ACOT7: variants seen among roughly 807,000 people sequenced by gnomAD.
ACOT7 encodes acyl-CoA thioesterase 7.
A neutral mutation model predicts 40.2 loss-of-function variants in ACOT7; 12 were observed. That is an observed-to-expected ratio of 0.30 (90% CI 0.19 to 0.48). The LOEUF (loss-of-function observed/expected upper bound fraction) is 0.48, where lower values mean the gene tolerates loss of function less well. ACOT7 is among the 20% of genes least tolerant of loss of function. ACOT7 has a pLI of 0.99. For missense variants in ACOT7, 395 were observed against 530.8 expected (o/e 0.74, Z 2.51); for synonymous variants, 228 against 219.5 (o/e 1.04, Z -0.34).
chr1:6,354,162 G>C (rs139028727), intron 1 of ACOT7, among the ~76,000 whole-genome samples: 1 of 151,902 alleles, frequency 6.6e-6, no homozygotes, highest in Admixed American at 6.6e-5. Flanking sequence ...CCCCACTCCC[G>C]GCCGGTGTCC....
rs967571559 is a variant in ACOT7, at chr1:6,359,885, G to A, written c.144-10019C>T. Among the ~76,000 whole-genome samples, 1 of 152,202 alleles carries A rather than the reference G, an allele frequency of 6.6e-6. No individual in the cohort carries two copies. Among genetic ancestry groups the A allele is most frequent in the Non-Finnish European group, 1.5e-5 (1 of 68,040 alleles). Reference sequence around the variant, plus strand: ...GTTTCACATGTTTAGTTGTGAAAGAGAAAGTTAGGGCAGAGAGGGCTGATT... The same window carrying A: ...GTTTCACATGTTTAGTTGTGAAAGAAAAAGTTAGGGCAGAGAGGGCTGATT... On this transcript the variant is annotated intron_variant, in intron 1 of 8. Transcript: ENST00000361521. This position sits in a 1 kb window ranked among gnomAD's most constrained non-coding sequence, Gnocchi z 4.1.
Position 6,338,674 on chromosome 1 carries a change from G to A in ACOT7, c.418+759C>T, listed in dbSNP as rs930651578. On this transcript the variant is annotated intron_variant, in intron 3 of 8. Coordinates refer to ENST00000361521, the MANE Select transcript of ACOT7 (RefSeq NM_007274.4). This position sits in a 1 kb window ranked among gnomAD's most constrained non-coding sequence, Gnocchi z 4.4. Reference sequence around the variant, plus strand: ...AAATGGCTGTGAGCTGGCACTCCACGGGGCAGCCACTGCTGAGGAACAGGC... The same window carrying A: ...AAATGGCTGTGAGCTGGCACTCCACAGGGCAGCCACTGCTGAGGAACAGGC... Among the ~76,000 whole-genome samples, 4 of 152,130 alleles carry A rather than the reference G, an allele frequency of 2.6e-5. No individual in the cohort carries two copies. Among genetic ancestry groups the A allele is most frequent in the African/African-American group, 9.7e-5 (4 of 41,422 alleles).
At chr1:6,351,931 G>A (rs1171814379) in intron 1 of ACOT7, among the ~76,000 whole-genome samples, 1 of 152,232 alleles carries the variant, frequency 6.6e-6, no homozygotes, top group East Asian at 1.9e-4. Context: ...CCCCGAGGAA[G>A]AGCCTGGAGC....
At position 6,264,642 on chromosome 1, in the gene ACOT7, C is replaced by T; in HGVS notation, c.1068G>A (p.Leu356=). The T allele has an allele frequency of 6.2e-7, 1 of 1,613,480 alleles. No individual in the cohort carries two copies. The highest frequency in any genetic ancestry group is 8.5e-7 in the Non-Finnish European group (1 of 1,179,958). Residue 356 remains leucine (L), a synonymous_variant, in exon 9 of 9, where the codon CTG becomes CTA. Coordinates refer to ENST00000361521, the MANE Select transcript of ACOT7 (RefSeq NM_007274.4). ...KRFEEGKGRY[L]QMKAKRQGHA... is the part of the protein sequence containing the mutation. Reference sequence around the variant, plus strand: ...GGCCCTGTCGCTTCGCCTTCATCTGCAGGTACCGCCCTTTGCCTTCCTCAA... The same window carrying T: ...GGCCCTGTCGCTTCGCCTTCATCTGTAGGTACCGCCCTTTGCCTTCCTCAA...
intron 1 of ACOT7, among the ~76,000 whole-genome samples, chr1:6,357,525 G>C (rs1023540855): frequency 1.3e-5 from 2 of 152,244 alleles, no homozygotes; most frequent in Non-Finnish European, 2.9e-5. Context: ...GTGGGACAGA[G>C]GTGTCTGGGC....
chr1:6,265,752 T>C (rs1250708986), intron 8 of ACOT7, among the ~76,000 whole-genome samples: 7 of 152,212 alleles, frequency 4.6e-5, no homozygotes, highest in Admixed American at 1.3e-4. Context: ...TGCTAATTCC[T>C]CTGGGACATT....
At chr1:6,312,998 G>T (rs1475776188) in intron 6 of ACOT7, among the ~76,000 whole-genome samples, 1 of 152,208 alleles carries the variant, frequency 6.6e-6, no homozygotes, top group African/African-American at 2.4e-5. Context: ...CAGACCAGTA[G>T]CCTCAGCATC....
Position 6,301,219 on chromosome 1 carries a change from T to C in ACOT7, c.713-6239A>G, listed in dbSNP as rs1289447585. On this transcript the variant is annotated intron_variant, in intron 6 of 8. Transcript: ENST00000361521. The surrounding 1 kb of genome is among the most constrained non-coding windows in gnomAD (Gnocchi z 4.1). The stretch of plus-strand genomic sequence containing the variant: ...TAATGTTCAGAACTTAGGAAGTGCC[T>C]ACAATTAACCCCTTGTTCTTCCATC... 4.6e-5 allele frequency among the ~76,000 whole-genome samples: 7 copies of C among 152,198 alleles called. No individual in the cohort carries two copies. The highest frequency in any genetic ancestry group is 1.5e-5 in the Non-Finnish European group (1 of 68,034).
intron 2 of ACOT7, among the ~76,000 whole-genome samples, chr1:6,341,671 G>C (rs1032495891): frequency 1.3e-5 from 2 of 152,222 alleles, no homozygotes; most frequent in Admixed American, 1.3e-4. Flanking sequence ...GAACCCGGGA[G>C]GCGGAGCTTG....
intron 6 of ACOT7, among the ~76,000 whole-genome samples, chr1:6,305,334 C>A (rs1217905584): frequency 7.7e-5 from 11 of 143,778 alleles, no homozygotes; most frequent in Admixed American, 2.0e-4. Flanking sequence ...CGGGCAGAGG[C>A]GCCCCTCACC....
intron 1 of ACOT7, among the ~76,000 whole-genome samples, chr1:6,371,973 A>G (rs1366504804): frequency 6.6e-6 from 1 of 151,438 alleles, no homozygotes; most frequent in African/African-American, 2.4e-5. Flanking sequence ...TGAACCTGAG[A>G]GGTGGAGGTT....
Position 6,279,932 on chromosome 1 carries a change from G to A in ACOT7, c.1014+1170C>T, listed in dbSNP as rs111410301. Among the ~76,000 whole-genome samples the A allele has an allele frequency of 1.6e-4, 24 of 152,342 alleles. No homozygotes were observed. In the East Asian group the frequency reaches 3.7e-3, roughly 23 times the overall value. Reference sequence around the variant, plus strand: ...CAGCCATGTGGGGAAGCGACAGGCCGTGCTCCAGGCTCTGAGAGGAATGGG... The same window carrying A: ...CAGCCATGTGGGGAAGCGACAGGCCATGCTCCAGGCTCTGAGAGGAATGGG... On this transcript the variant is annotated intron_variant, in intron 8 of 8. Coordinates refer to ENST00000361521, the MANE Select transcript of ACOT7 (RefSeq NM_007274.4).
Position 6,278,180 on chromosome 1 carries a change from T to C in ACOT7, c.1014+2922A>G, listed in dbSNP as rs902888078. Among the ~76,000 whole-genome samples the C allele has an allele frequency of 2.0e-5, 3 of 152,114 alleles. No individual in the cohort carries two copies. The highest frequency in any genetic ancestry group is 4.4e-5 in the Non-Finnish European group (3 of 68,014). ...AGGAAAAAACGTCTGAGAAGTGCTG[T>C]AGCTCCAGGAGGCTCTGGGGAGGGT... is the stretch of plus-strand genomic sequence containing the variant. On this transcript the variant is annotated intron_variant, in intron 8 of 8. Transcript: ENST00000361521. This position sits in a 1 kb window ranked among gnomAD's most constrained non-coding sequence, Gnocchi z 4.1.
chr1:6,344,306 G>A (rs981325531), intron 2 of ACOT7, among the ~76,000 whole-genome samples: 10 of 152,302 alleles, frequency 6.6e-5, no homozygotes, highest in South Asian at 2.1e-4. Flanking sequence ...AAGGCAGAGC[G>A]CACCTCTCTG....
intron 1 of ACOT7, chr1:6,360,510 A>G: frequency 6.2e-7 from 1 of 1,600,292 alleles, no homozygotes; most frequent in Admixed American, 1.7e-5. Flanking sequence ...AGGTCCTCCC[A>G]AACACACTTC....
chr1:6,378,972 T>G (rs572105153), intron 1 of ACOT7, among the ~76,000 whole-genome samples: 10 of 151,896 alleles, frequency 6.6e-5, no homozygotes, highest in South Asian at 4.1e-4. Context: ...CTCGGCTCAC[T>G]GCAAGCTCCG....
rs1240724352 is a variant in ACOT7, at chr1:6,338,937, T to G, written c.418+496A>C. ...GTTACCATGGCCAAGGAGGAGAATATTCAGATGAAAGCAGAGGCAAAGGTT... is the reference window on the plus strand; with the variant it reads ...GTTACCATGGCCAAGGAGGAGAATAGTCAGATGAAAGCAGAGGCAAAGGTT... On this transcript the variant is annotated intron_variant, in intron 3 of 8. Coordinates refer to ENST00000361521, the MANE Select transcript of ACOT7 (RefSeq NM_007274.4). The surrounding 1 kb of genome is among the most constrained non-coding windows in gnomAD (Gnocchi z 4.4). Among the ~76,000 whole-genome samples the G allele has an allele frequency of 6.6e-6, 1 of 152,132 alleles. No individual in the cohort carries two copies. The highest frequency in any genetic ancestry group is 1.5e-5 in the Non-Finnish European group (1 of 68,014).
intron 1 of ACOT7, among the ~76,000 whole-genome samples, chr1:6,362,602 T>C (rs1171501652): frequency 6.6e-6 from 1 of 151,898 alleles, no homozygotes; most frequent in Non-Finnish European, 1.5e-5. Context: ...GAAGAGAGAA[T>C]TCAAGGAGAA....
Position 6,282,628 on chromosome 1 carries a change from G to T in ACOT7, c.830-1342C>A. Reference sequence around the variant, plus strand: ...AGAGTGAGAAAGCGGCCAGGTGGTGGCTGTTGGAGGGCGGTTAGCAGGCCA... The same window carrying T: ...AGAGTGAGAAAGCGGCCAGGTGGTGTCTGTTGGAGGGCGGTTAGCAGGCCA... On this transcript the variant is annotated intron_variant, in intron 7 of 8. Transcript: ENST00000361521. This position sits in a 1 kb window ranked among gnomAD's most constrained non-coding sequence, Gnocchi z 4.5. 1.0e-6 allele frequency: 1 copy of T among 979,258 alleles called. No homozygotes were observed. Among genetic ancestry groups the T allele is most frequent in the African/African-American group, 1.7e-5 (1 of 59,590 alleles). The allele number at this position is 979,258 out of a possible 1,614,324, so 60.7% of individuals were successfully genotyped here. A position where few individuals can be genotyped will look rare whatever the true frequency, so the allele number is the denominator to read the frequency against.
Sources: gnomAD v4.1 joint callset for allele counts (sites outside exome capture counted in the v4.1 genomes callset) on GRCh38, gnomAD v4.1.1 for gene constraint, Gnocchi (gnomAD v3.1) non-coding constraint, MANE v1.5 for transcripts, NCBI Gene and HGNC (gene_info 2026-07-23, HGNC 2026-07-21) for gene names.